SPAG7: variants seen among roughly 807,000 people sequenced by gnomAD.
The protein encoded by SPAG7 is sperm associated antigen 7.
In SPAG7, 20 loss-of-function variants were observed where a neutral mutation model predicts 30.6. The ratio of observed to expected loss-of-function variants is 0.65; its 90% CI spans 0.46 to 0.95. SPAG7 has a LOEUF of 0.95. Ranked by LOEUF, SPAG7 falls within the 40% of genes least tolerant of loss-of-function variation. The pLI, the probability that SPAG7 is intolerant of heterozygous loss-of-function variation, is 0.00. For missense variants in SPAG7, 276 were observed against 291.1 expected, an observed-to-expected ratio of 0.95 and a Z score of 0.38; for synonymous variants, 127 against 104.2, an observed-to-expected ratio of 1.22 and a Z score of -1.33.
chr17:4,966,656 C>G, intron 1 of SPAG7: 1 of 985,486 alleles, frequency 1.0e-6, no homozygotes, highest in African/African-American at 1.7e-5. Context: ...GGTGGCCGCT[C>G]TCACAGTTAT....
chr17:4,966,879 G>T, intron 1 of SPAG7: 2 of 985,518 alleles, frequency 2.0e-6, no homozygotes, highest in Non-Finnish European at 2.4e-6. Context: ...GGCACGTGGG[G>T]AGCTGGGACA....
chr17:4,964,379 T>G lies in SPAG7; in HGVS notation c.85+3341A>C, dbSNP rs868460486. Among the ~76,000 whole-genome samples, 794 of 120,498 alleles carry G rather than the reference T, an allele frequency of 6.6e-3. 5 individuals carry two copies. Among genetic ancestry groups the G allele is most frequent in the African/African-American group, 0.025 (719 of 28,742 alleles). 79.1% of individuals were successfully genotyped at this position (120,498 alleles called of 152,430 possible). A position where few individuals can be genotyped will look rare whatever the true frequency, so the allele number is the denominator to read the frequency against. On this transcript the variant is annotated intron_variant, in intron 1 of 6. Coordinates refer to ENST00000206020, the MANE Select transcript of SPAG7 (RefSeq NM_004890.3). ...CATCTTTTTTTTTTTTTTTTTTTTT[T>G]GAGACGGAGTCTCGCTCTGTCGCCC...
At chr17:4,963,321 T>A (rs1971895437) in intron 1 of SPAG7, among the ~76,000 whole-genome samples, 1 of 151,944 alleles carries the variant, frequency 6.6e-6, no homozygotes, top group South Asian at 2.1e-4. Flanking sequence ...CTGAGAGGTC[T>A]AGGTGACAGA....
intron 1 of SPAG7, among the ~76,000 whole-genome samples, chr17:4,964,141 T>C (rs1425374615): frequency 6.6e-6 from 1 of 151,586 alleles, no homozygotes; most frequent in Non-Finnish European, 1.5e-5. Context: ...AAGGGTCTTA[T>C]TTAACTTTCT....
chr17:4,965,710 G>A (rs1251819904), intron 1 of SPAG7: 1 of 152,072 alleles, frequency 6.6e-6, no homozygotes, highest in East Asian at 1.9e-4. Flanking sequence ...CCAAAATGGA[G>A]TGCAGTGGCG....
At chr17:4,960,887 C>T (rs1395945319) in intron 1 of SPAG7, 34 bp from the exon 2 acceptor site, 3 of 1,600,468 alleles carry the variant, frequency 1.9e-6, no homozygotes, top group Non-Finnish European at 2.6e-6. Context: ...GAAGCCAGGG[C>T]TGGAAGCATG....
chr17:4,964,257 G>A (rs892089866), intron 1 of SPAG7, among the ~76,000 whole-genome samples: 1 of 151,708 alleles, frequency 6.6e-6, no homozygotes, highest in Non-Finnish European at 1.5e-5. Flanking sequence ...TCCCCACGAT[G>A]TGATTTTACT....
intron 1 of SPAG7, among the ~76,000 whole-genome samples, chr17:4,965,443 T>C (rs994257987): frequency 6.6e-6 from 1 of 152,068 alleles, no homozygotes; most frequent in Non-Finnish European, 1.5e-5. Flanking sequence ...GTCAGTTACT[T>C]CTTCCCCTGG....
rs1046436689 is a variant in SPAG7 at position 4,960,920 on chromosome 17, T to G, written c.86-67A>C. The G allele has an allele frequency of 4.2e-6, 6 of 1,414,902 alleles. No homozygotes were observed. In the African/African-American group the frequency reaches 8.4e-5, roughly 20 times the overall value. 87.6% of individuals were successfully genotyped at this position (1,414,902 alleles called of 1,614,324 possible). A position where few individuals can be genotyped will look rare whatever the true frequency, so the allele number is the denominator to read the frequency against. The stretch of plus-strand genomic sequence containing the variant: ...ATGGGTGGGAAAGGTTTCTAAGGCT[T>G]CAAGTGAAGTGTGGTGTCCACTGGG... On this transcript the variant is annotated intron_variant, in intron 1 of 6. Transcript: ENST00000206020.
In SPAG7 at chr17:4,960,503, G is replaced by T. The variant is rs1472656973; in HGVS notation, c.198C>A (p.Ile66=). 1 of 1,602,582 alleles carries T rather than the reference G, an allele frequency of 6.2e-7. No individual in the cohort carries two copies. The highest frequency in any genetic ancestry group is 1.4e-5 in the African/African-American group (1 of 74,018). The change falls in exon 3 of 7, where the codon ATC becomes ATA. Residue 66 remains isoleucine, a synonymous_variant. Coordinates refer to ENST00000206020, the MANE Select transcript of SPAG7 (RefSeq NM_004890.3). ...TGTTCATTGGCTGAAACTTTTTCTT[G>T]ATCTGCCCACTGTCTTGAATGAAAT... is the stretch of plus-strand genomic sequence containing the variant. ...VSDFIQDSGQ[I]KKKFQPMNKI... is the part of the protein sequence containing the mutation.
rs1175887440 is a variant in SPAG7 at position 4,960,335 on chromosome 17, G to A, written c.243-17C>T. 3 of 1,613,454 alleles carry A rather than the reference G, an allele frequency of 1.9e-6. No individual in the cohort carries two copies. The highest frequency in any genetic ancestry group is 2.2e-5 in the East Asian group (1 of 44,882). ...ACATCATGTCTGGGATGGGATGGCA[G>A]AGGGGAAAGAGCATCTTGAGCCAGG... On this transcript the variant is annotated splice_polypyrimidine_tract_variant and intron_variant, in intron 3 of 6. Transcript: ENST00000206020.
intron 1 of SPAG7, among the ~76,000 whole-genome samples, chr17:4,967,473 G>A (rs1439903570): frequency 1.3e-5 from 2 of 152,184 alleles, no homozygotes; most frequent in African/African-American, 2.4e-5. Context: ...CCGGCTAATG[G>A]GAAACAAGGA....
At chr17:4,966,842 G>T in intron 1 of SPAG7, 11 of 985,502 alleles carry the variant, frequency 1.1e-5, no homozygotes, top group Non-Finnish European at 1.3e-5. Flanking sequence ...TACTTGGAAG[G>T]CGTCCTGCCT....
At position 4,959,503 on chromosome 17, in the gene SPAG7, C is replaced by T. The variant is rs1971821402; in HGVS notation, c.*31G>A. On this transcript the variant is annotated 3_prime_UTR_variant, in exon 7 of 7. Transcript: ENST00000206020. ...TGTCTCTCCCTGCCCCCTGCCCTGC[C>T]CCAGGGGTCAAAGGGAGCTGGGCGG... 2 of 1,574,836 alleles carry T rather than the reference C, an allele frequency of 1.3e-6. No individual in the cohort carries two copies. The highest frequency in any genetic ancestry group is 1.1e-5 in the South Asian group (1 of 90,382).
intron 6 of SPAG7, 34 bp from the exon 7 acceptor site, chr17:4,959,677 A>C (rs374632524): frequency 3.4e-5 from 55 of 1,613,256 alleles, no homozygotes; most frequent in Non-Finnish European, 4.2e-5. Flanking sequence ...GCGGGCCTAG[A>C]AATCCGTACC....
intron 1 of SPAG7, among the ~76,000 whole-genome samples, chr17:4,963,085 C>T (rs544620558): frequency 2.0e-5 from 3 of 151,364 alleles, no homozygotes; most frequent in Non-Finnish European, 2.9e-5. Context: ...GTTCTTTGTA[C>T]ATTGTGGGCA....
intron 4 of SPAG7, 28 bp downstream of exon 4, chr17:4,960,206 G>A (rs1286124761): frequency 4.4e-6 from 7 of 1,608,888 alleles, no homozygotes; most frequent in African/African-American, 1.3e-5. Context: ...AAGGGGAGAG[G>A]AGAGAATGAG....
chr17:4,960,887 C>A, intron 1 of SPAG7, 34 bp from the exon 2 acceptor site: 1 of 1,600,466 alleles, frequency 6.2e-7, no homozygotes, highest in Non-Finnish European at 8.6e-7. Context: ...GAAGCCAGGG[C>A]TGGAAGCATG....
intron 1 of SPAG7, among the ~76,000 whole-genome samples, chr17:4,963,431 C>T (rs754171652): frequency 6.7e-6 from 1 of 148,810 alleles, no homozygotes; most frequent in Non-Finnish European, 1.5e-5. Context: ...TCTGTCATCT[C>T]GTTTACACAG....
Sources: allele counts gnomAD v4.1 joint callset (sites outside exome capture counted in the v4.1 genomes callset), GRCh38; gene constraint gnomAD v4.1.1; transcripts MANE v1.5; gene names NCBI Gene and HGNC (gene_info 2026-07-23, HGNC 2026-07-21).